Variants in TTC39C observed in about 807,000 individuals in gnomAD.
The protein encoded by TTC39C is tetratricopeptide repeat domain 39C.
TTC39C carries 33 observed loss-of-function variants against 76.3 expected under a neutral mutation model. That is an observed-to-expected ratio of 0.43 (90% CI 0.33 to 0.58). TTC39C has a LOEUF of 0.58. Among genes scored for constraint, TTC39C ranks in the 20% least tolerant of loss-of-function variants. The pLI, the probability that TTC39C is intolerant of heterozygous loss-of-function variation, is 0.04. For missense variants in TTC39C, 595 were observed against 701.4 expected (o/e 0.85, Z 1.71); for synonymous variants, 254 against 260.6 (o/e 0.97, Z 0.24).
Position 24,044,173 on chromosome 18 carries a change from A to G in TTC39C, c.168-19967A>G, listed in dbSNP as rs112528193. Among the ~76,000 whole-genome samples the G allele has an allele frequency of 4.7e-3, 716 of 152,210 alleles. 6 individuals are homozygous for G. The Middle Eastern group carries it at 0.051, about 11-fold the overall frequency. ...TCTGTACACAGCACGGGGGCAGGTT[A>G]CAGAGAGGACATCATGGAAAAAGTC... On this transcript the variant is annotated intron_variant, in intron 1 of 13. Transcript: ENST00000317571.
intron 1 of TTC39C, among the ~76,000 whole-genome samples, chr18:24,023,967 T>TATATACGTATATATATATATACACAC (rs2083554027): frequency 5.6e-5 from 1 of 17,746 alleles, no homozygotes; most frequent in African/African-American, 1.7e-4. Context: ...TATATATATA[T>TATATACGTATATATATATATACACAC]ATATATATAT....
intron 4 of TTC39C, among the ~76,000 whole-genome samples, chr18:24,073,714 C>G (rs899498639): frequency 3.9e-5 from 6 of 152,100 alleles, no homozygotes; most frequent in African/African-American, 1.4e-4. Context: ...AGATAGGGGT[C>G]TCACTATGCT....
At chr18:24,030,282 G>A (rs1232620932) in intron 1 of TTC39C, among the ~76,000 whole-genome samples, 3 of 152,114 alleles carry the variant, frequency 2.0e-5, no homozygotes, top group African/African-American at 7.2e-5. Flanking sequence ...AGATAGAGAA[G>A]GAACTATTGC....
chr18:24,128,784 G>A, intron 10 of TTC39C, 102 bp from the exon 11 acceptor site: 2 of 889,740 alleles, frequency 2.2e-6, no homozygotes, highest in Non-Finnish European at 3.4e-6. Context: ...CATATCAGGA[G>A]GCAGAAACAT....
Position 24,069,108 on chromosome 18 carries a change from T to C in TTC39C, c.346-49T>C, listed in dbSNP as rs148433078. ...AACCTGATACTGTTTGGGGGAACTG[T>C]CGTTGTTATGTGTGATTTATCAGTG... On this transcript the variant is annotated intron_variant, in intron 3 of 13. Transcript: ENST00000317571. The C allele has an allele frequency of 4.5e-5, 63 of 1,402,816 alleles. No individual in the cohort carries two copies. In the East Asian group the frequency reaches 1.4e-3, roughly 31 times the overall value. The allele number at this position is 1,402,816 out of a possible 1,614,324, so 86.9% of individuals were successfully genotyped here. A position where few individuals can be genotyped will look rare whatever the true frequency, so the allele number is the denominator to read the frequency against.
chr18:24,025,719 C>T (rs1380849895), intron 1 of TTC39C, among the ~76,000 whole-genome samples: 1 of 152,104 alleles, frequency 6.6e-6, no homozygotes, highest in Non-Finnish European at 1.5e-5. Context: ...CAAAATGTCT[C>T]CATTGAGAGG....
chr18:24,067,562 G>A (rs2084181377), intron 3 of TTC39C, among the ~76,000 whole-genome samples: 1 of 152,144 alleles, frequency 6.6e-6, no homozygotes, highest in Non-Finnish European at 1.5e-5. Flanking sequence ...AGCATGAACT[G>A]TCTATGCAAG....
intron 8 of TTC39C, chr18:24,123,627 G>A (rs1599349064): frequency 1.7e-5 from 7 of 411,060 alleles, no homozygotes; most frequent in Admixed American, 8.7e-5. Flanking sequence ...GGCTGGTCTC[G>A]AATTCCTGAC....
At chr18:24,046,087 C>G (rs931194386) in intron 1 of TTC39C, among the ~76,000 whole-genome samples, 2 of 150,788 alleles carry the variant, frequency 1.3e-5, no homozygotes, top group Admixed American at 1.3e-4. Context: ...TACAGGCGCC[C>G]GCCACCACAC....
intron 1 of TTC39C, among the ~76,000 whole-genome samples, chr18:24,046,095 C>T (rs1259334653): frequency 2.0e-5 from 3 of 151,230 alleles, no homozygotes; most frequent in African/African-American, 7.3e-5. Context: ...CCCGCCACCA[C>T]ACCCAGCTAA....
At chr18:23,994,620 C>T (rs190015532) in intron 1 of TTC39C, 1 of 152,174 alleles carries the variant, frequency 6.6e-6, no homozygotes, top group East Asian at 1.9e-4. Context: ...CAGTTGGCCC[C>T]GTTTCAAGGC....
intron 1 of TTC39C, among the ~76,000 whole-genome samples, chr18:24,051,530 C>T (rs563356193): frequency 2.6e-5 from 4 of 152,232 alleles, no homozygotes; most frequent in East Asian, 1.9e-4. Flanking sequence ...ATGATAAAAA[C>T]GAGTCTGAAC....
At position 24,133,654 on chromosome 18, in the gene TTC39C, T is replaced by C. The variant is rs1300930633; in HGVS notation, c.*1080T>C. 3 of 152,224 alleles carry C rather than the reference T, an allele frequency of 2.0e-5. No homozygotes were observed. The highest frequency in any genetic ancestry group is 4.4e-5 in the Non-Finnish European group (3 of 68,034). The allele number at this position is 152,224 out of a possible 1,614,324, so 9.4% of individuals were successfully genotyped here. ...TTCCCCTTAGCTCAGGTTATTTAGA[T>C]ATTATACAAGGAATTCAAAGTTATT... On this transcript the variant is annotated 3_prime_UTR_variant, in exon 14 of 14. Transcript: ENST00000317571.
chr18:24,033,663 C>T (rs1175431009), intron 1 of TTC39C, among the ~76,000 whole-genome samples: 1 of 152,212 alleles, frequency 6.6e-6, no homozygotes, highest in African/African-American at 2.4e-5. Context: ...CCCAATAACA[C>T]AGTTCAATTT....
At chr18:24,113,045 C>T (rs1274796837) in intron 6 of TTC39C, among the ~76,000 whole-genome samples, 1 of 152,078 alleles carries the variant, frequency 6.6e-6, no homozygotes, top group Non-Finnish European at 1.5e-5. Flanking sequence ...GGGCGATTCC[C>T]ATTGTTGTGA....
At chr18:24,084,252 G>A (rs1167380719) in intron 6 of TTC39C, among the ~76,000 whole-genome samples, 1 of 152,194 alleles carries the variant, frequency 6.6e-6, no homozygotes, top group Non-Finnish European at 1.5e-5. Context: ...GGGAGGCTGA[G>A]GCAGGTGTAT....
chr18:24,048,846 A>AG (rs1173199183), intron 1 of TTC39C, among the ~76,000 whole-genome samples: 4 of 152,252 alleles, frequency 2.6e-5, no homozygotes, highest in African/African-American at 9.6e-5. Flanking sequence ...ATCAGTGTGT[A>AG]GGTAGAAAAA....
At chr18:24,099,034 T>TGTGTGTGTGC (rs1486792905) in intron 6 of TTC39C, among the ~76,000 whole-genome samples, 3 of 146,924 alleles carry the variant, frequency 2.0e-5, no homozygotes, top group Admixed American at 6.8e-5. Flanking sequence ...TGTGTGTGTG[T>TGTGTGTGTGC]GTATATATAT....
chr18:24,057,292 A>G (rs1179871786), intron 1 of TTC39C, among the ~76,000 whole-genome samples: 2 of 152,250 alleles, frequency 1.3e-5, no homozygotes, highest in Non-Finnish European at 2.9e-5. Flanking sequence ...AATATAATCA[A>G]ATAGTCATCA....
Sources: allele counts gnomAD v4.1 joint callset (sites outside exome capture counted in the v4.1 genomes callset), GRCh38; gene constraint gnomAD v4.1.1; transcripts MANE v1.5; gene names NCBI Gene and HGNC (gene_info 2026-07-23, HGNC 2026-07-21).